The following PRUNE2 variants were observed in gnomAD, a reference collection of about 807,000 sequenced individuals.
The protein encoded by PRUNE2 is prune homolog 2 with BCH domain.
PRUNE2 carries 164 observed loss-of-function variants against 252.0 expected under a neutral mutation model. That is an observed-to-expected ratio of 0.65 (90% CI 0.57 to 0.74). The LOEUF (loss-of-function observed/expected upper bound fraction) is 0.74, where lower values mean the gene tolerates loss of function less well. Ranked by LOEUF, PRUNE2 falls within the 30% of genes least tolerant of loss-of-function variation. PRUNE2 has a pLI of 0.00. For synonymous variants in PRUNE2, 1,292 were observed against 1,350.2 expected, an observed-to-expected ratio of 0.96 and a Z score of 0.94; for missense variants, 3,495 against 3,711.0, an observed-to-expected ratio of 0.94 and a Z score of 1.51.
At chr9:76,631,292 C>T (rs909595590) in intron 15 of PRUNE2, among the ~76,000 whole-genome samples, 2 of 152,200 alleles carry the variant, frequency 1.3e-5, no homozygotes, top group East Asian at 3.9e-4. Flanking sequence ...ACTGGAATTT[C>T]GCAGTTCTCT....
chr9:76,740,135 T>C (rs1316604140), intron 6 of PRUNE2: 4 of 150,036 alleles, frequency 2.7e-5, no homozygotes, highest in Non-Finnish European at 5.9e-5. Flanking sequence ...TTTCTAATTA[T>C]ATGTGGAGGT....
chr9:76,733,998 TA>T (rs1174626582), intron 6 of PRUNE2, among the ~76,000 whole-genome samples: 2 of 152,124 alleles, frequency 1.3e-5, no homozygotes, highest in African/African-American at 4.8e-5. Flanking sequence ...CTAGTTTGAT[TA>T]TCAAAGAACA....
intron 10 of PRUNE2, among the ~76,000 whole-genome samples, chr9:76,654,834 G>A (rs1488623613): frequency 6.6e-6 from 1 of 152,176 alleles, no homozygotes; most frequent in African/African-American, 2.4e-5. Context: ...CTACCACACT[G>A]TAGGCTTGGC....
intron 9 of PRUNE2, among the ~76,000 whole-genome samples, chr9:76,688,031 C>T (rs180843269): frequency 4.3e-4 from 66 of 152,348 alleles, no homozygotes; most frequent in Non-Finnish European, 8.1e-4. Flanking sequence ...CCTGAGCCCA[C>T]AATCAAGACT....
At chr9:76,744,098 T>C (rs940071487) in intron 6 of PRUNE2, among the ~76,000 whole-genome samples, 2 of 152,208 alleles carry the variant, frequency 1.3e-5, no homozygotes, top group African/African-American at 4.8e-5. Context: ...AACTCATTTG[T>C]TAAACAGTCA....
At chr9:76,881,872 C>T (rs1236081107) in intron 1 of PRUNE2, among the ~76,000 whole-genome samples, 3 of 151,836 alleles carry the variant, frequency 2.0e-5, no homozygotes, top group Non-Finnish European at 1.5e-5. Flanking sequence ...CTGCCCGCCT[C>T]GGCCTCCCAA....
At chr9:76,823,456 G>A in intron 6 of PRUNE2, 176 bp downstream of exon 6, 1 of 572,534 alleles carries the variant, frequency 1.7e-6, no homozygotes, top group East Asian at 2.7e-5. Flanking sequence ...ATTTTTCATT[G>A]ACTTAGCATA....
At chr9:76,656,892 C>T (rs1849449736) in intron 9 of PRUNE2, among the ~76,000 whole-genome samples, 1 of 152,092 alleles carries the variant, frequency 6.6e-6, no homozygotes, top group African/African-American at 2.4e-5. Flanking sequence ...AGACCTGTGC[C>T]CTGGTAGCAA....
In PRUNE2 at chr9:76,710,284, A is replaced by G. The variant is rs200382420; in HGVS notation, c.1990T>C (p.Ser664Pro). ...CTCCACGCATCTGCAATATTTTTGG[A>G]GTCAATTTCCAAACCACCCCACCAG... is the stretch of plus-strand genomic sequence containing the variant. ...SSWWGGLEIDSKNIADAWSSS... is the reference protein window; with the variant it reads ...SSWWGGLEIDPKNIADAWSSS... Residue 664 changes from serine to proline, a missense_variant, in exon 8 of 19, where the codon TCC (serine) becomes CCC (proline). Transcript: ENST00000376718. 4.9e-5 allele frequency: 79 copies of G among 1,613,918 alleles called. No individual in the cohort carries two copies. The Middle Eastern group carries it at 8.2e-4, about 17-fold the overall frequency.
intron 1 of PRUNE2, among the ~76,000 whole-genome samples, chr9:76,899,745 A>T (rs1187459061): frequency 6.6e-6 from 1 of 152,222 alleles, no homozygotes; most frequent in Non-Finnish European, 1.5e-5. Flanking sequence ...AGCGGAAATA[A>T]GTGATCTAAA....
At chr9:76,649,665 T>A (rs994438778) in intron 11 of PRUNE2, among the ~76,000 whole-genome samples, 10 of 150,150 alleles carry the variant, frequency 6.7e-5, no homozygotes, top group Non-Finnish European at 1.3e-4. Context: ...TTTGTCTCAG[T>A]AAATATAAAT....
Position 76,740,991 on chromosome 9 carries a change from C to CA in PRUNE2, c.757-27271dup. Among the ~76,000 whole-genome samples, 3 of 152,186 alleles carry CA rather than the reference C, an allele frequency of 2.0e-5. No individual in the cohort carries two copies. In the East Asian group the frequency reaches 5.8e-4, roughly 29 times the overall value. On this transcript the variant is annotated intron_variant, in intron 6 of 18. Transcript: ENST00000376718. ...ATGAACTCTTTCCTAGAGATAGGGC[C>CA]ACATTAAGATTTCAAAGCTGATTTC...
chr9:76,662,627 G>A (rs1222365717), intron 9 of PRUNE2, among the ~76,000 whole-genome samples: 5 of 152,150 alleles, frequency 3.3e-5, no homozygotes, highest in Non-Finnish European at 4.4e-5. Flanking sequence ...TTTCTAGATG[G>A]TAATGTTTCC....
chr9:76,679,293 T>C (rs646379), intron 9 of PRUNE2, among the ~76,000 whole-genome samples: 69,887 of 152,052 alleles, frequency 0.46, 19,125 homozygotes, highest in Non-Finnish European at 0.59. Context: ...AATACAATAG[T>C]GGTTTTCAAA....
At chr9:76,675,708 A>G (rs2042409572) in intron 9 of PRUNE2, among the ~76,000 whole-genome samples, 1 of 122,002 alleles carries the variant, frequency 8.2e-6, no homozygotes, top group Non-Finnish European at 1.7e-5. Flanking sequence ...AATGTGGCAC[A>G]TATACACCAT....
chr9:76,627,030 A>G lies in PRUNE2; in HGVS notation c.9149+2162T>C, dbSNP rs148122519. On this transcript the variant is annotated intron_variant, in intron 16 of 18. Transcript: ENST00000376718. ...TTACTTGGAAAGTGGTCAATGCTCA[A>G]TTCCACTAGAAGAGAGAATGTCCTT... Among the ~76,000 whole-genome samples, 16 of 152,190 alleles carry G rather than the reference A, an allele frequency of 1.1e-4. No homozygotes were observed. The East Asian group carries it at 1.9e-3, about 18-fold the overall frequency.
Position 76,768,213 on chromosome 9 carries a change from G to A in PRUNE2, c.757-54492C>T, listed in dbSNP as rs2052641296. On this transcript the variant is annotated intron_variant, in intron 6 of 18. Transcript: ENST00000376718. ...TCAATGATTTTCCTTTTTTTTTTGA[G>A]ATGGATTCTCGCTCTGTCGCCCAGG... Among the ~76,000 whole-genome samples, 3 of 150,700 alleles carry A rather than the reference G, an allele frequency of 2.0e-5. No individual in the cohort carries two copies. In the South Asian group the frequency reaches 6.3e-4, roughly 32 times the overall value.
intron 9 of PRUNE2, among the ~76,000 whole-genome samples, chr9:76,658,138 C>T (rs1849926444): frequency 6.6e-6 from 1 of 152,136 alleles, no homozygotes; most frequent in African/African-American, 2.4e-5. Context: ...GCGGGTGGGT[C>T]ACCTGATATT....
rs1274622525 is a variant in PRUNE2 at position 76,749,194 on chromosome 9, C to T, written c.757-35473G>A. Among the ~76,000 whole-genome samples, 3 of 152,216 alleles carry T rather than the reference C, an allele frequency of 2.0e-5. No individual in the cohort carries two copies. In the East Asian group the frequency reaches 5.8e-4, roughly 29 times the overall value. On this transcript the variant is annotated intron_variant, in intron 6 of 18. Transcript: ENST00000376718. ...CTGAGTTGTTTTTCAGAAATCTGGC[C>T]TCCCACCAAGTGGAAAATGCCATCA... is the stretch of plus-strand genomic sequence containing the variant.
Sources: allele counts gnomAD v4.1 joint callset (sites outside exome capture counted in the v4.1 genomes callset), GRCh38; gene constraint gnomAD v4.1.1; transcripts MANE v1.5; gene names NCBI Gene and HGNC (gene_info 2026-07-23, HGNC 2026-07-21).